LMTK2: variants seen among roughly 807,000 people sequenced by gnomAD.
The protein encoded by LMTK2 is serine/threonine-protein kinase LMTK2.
In LMTK2, 37 loss-of-function variants were observed where a neutral mutation model predicts 127.5. The observed-to-expected ratio is 0.29, with a 90% CI of 0.22 to 0.38. The LOEUF (loss-of-function observed/expected upper bound fraction) is 0.38. Ranked by LOEUF, LMTK2 falls within the 10% of genes least tolerant of loss-of-function variation. The pLI is 1.00. For synonymous variants in LMTK2, 819 were observed against 810.1 expected (o/e 1.01, Z -0.19); for missense variants, 1,694 against 1,920.3 (o/e 0.88, Z 2.20).
At chr7:98,143,393 C>CA (rs771833373) in intron 3 of LMTK2, among the ~76,000 whole-genome samples, 37 of 152,218 alleles carry the variant, frequency 2.4e-4, no homozygotes, top group Non-Finnish European at 4.1e-4. Context: ...CACAAATTGA[C>CA]AGAGTCGCAA....
chr7:98,124,176 T>A (rs1344527387), intron 1 of LMTK2, among the ~76,000 whole-genome samples: 2 of 152,150 alleles, frequency 1.3e-5, no homozygotes, highest in East Asian at 3.9e-4. Flanking sequence ...ATTGGAGGTG[T>A]GCTCCATGTC....
At chr7:98,111,201 A>T (rs565065401) in intron 1 of LMTK2, among the ~76,000 whole-genome samples, 14 of 152,330 alleles carry the variant, frequency 9.2e-5, no homozygotes, top group Non-Finnish European at 1.8e-4. Context: ...TTTTGCTGAT[A>T]ATCAGTGTGC....
intron 9 of LMTK2, among the ~76,000 whole-genome samples, chr7:98,188,405 C>CA (rs536834275): frequency 4.6e-5 from 7 of 152,096 alleles, no homozygotes; most frequent in Non-Finnish European, 7.4e-5. Context: ...TGAATTCCTT[C>CA]AGTTTTTGCT....
intron 9 of LMTK2, among the ~76,000 whole-genome samples, chr7:98,189,339 C>T (rs1423594093): frequency 1.3e-5 from 2 of 152,240 alleles, no homozygotes; most frequent in East Asian, 3.9e-4. Flanking sequence ...CTGTGGCTGT[C>T]CTGAATCTCC....
At chr7:98,161,183 T>G (rs1797010627) in intron 6 of LMTK2, among the ~76,000 whole-genome samples, 1 of 152,232 alleles carries the variant, frequency 6.6e-6, no homozygotes, top group African/African-American at 2.4e-5. Flanking sequence ...TCTCAATTTT[T>G]TTTGTTTGTT....
chr7:98,198,490 C>CT (rs1380503036), intron 11 of LMTK2, among the ~76,000 whole-genome samples: 5 of 152,046 alleles, frequency 3.3e-5, no homozygotes, highest in African/African-American at 1.2e-4. Context: ...CGCCTGGCCT[C>CT]TTTTCTCTTT....
At chr7:98,162,897 A>C (rs946703244) in intron 6 of LMTK2, among the ~76,000 whole-genome samples, 3 of 152,212 alleles carry the variant, frequency 2.0e-5, no homozygotes, top group Admixed American at 2.0e-4. Context: ...GTGTCCATCG[A>C]TGGGTGAATG....
At position 98,194,337 on chromosome 7, in the gene LMTK2, G is replaced by GCGA; in HGVS notation, c.3877_3879dup (p.Asp1293dup). 6.2e-6 allele frequency: 10 copies of GCGA among 1,614,128 alleles called. No homozygotes were observed. The highest frequency in any genetic ancestry group is 8.5e-6 in the Non-Finnish European group (10 of 1,180,000). ...GATGCAGACGAGGAGGACGAAAACA[G>GCGA]CGACGACTCGGACGAGGACCTGCGG... On this transcript the variant is annotated inframe_insertion, in exon 11 of 14. Transcript: ENST00000297293. This position sits in a 1 kb window ranked among gnomAD's most constrained non-coding sequence, Gnocchi z 5.4.
rs373221022 is a variant in LMTK2, at chr7:98,190,886, C to T, written c.1148+9C>T. On this transcript the variant is annotated intron_variant, in intron 10 of 13. Transcript: ENST00000297293. ...CCCTACTCTGATAGATGGTTGGTAG[C>T]CTCACATTCCGCCTGTTCTGTTTCG... 50 of 1,613,670 alleles carry T rather than the reference C, an allele frequency of 3.1e-5. No homozygotes were observed. In the African/African-American group the frequency reaches 6.1e-4, roughly 20 times the overall value.
Position 98,168,267 on chromosome 7 carries a change from C to G in LMTK2, c.658-3274C>G, listed in dbSNP as rs557136472. Reference sequence around the variant, plus strand: ...GGACTGAGCTTAGAAAGGCACAAGACGAAGAATCCATGGCAACCAAAGAGG... The same window carrying G: ...GGACTGAGCTTAGAAAGGCACAAGAGGAAGAATCCATGGCAACCAAAGAGG... On this transcript the variant is annotated intron_variant, in intron 6 of 13. Coordinates refer to ENST00000297293, the MANE Select transcript of LMTK2 (RefSeq NM_014916.4). Among the ~76,000 whole-genome samples, 3 of 152,100 alleles carry G rather than the reference C, an allele frequency of 2.0e-5. No individual in the cohort carries two copies. The South Asian group carries it at 6.2e-4, about 32-fold the overall frequency.
chr7:98,175,695 C>T (rs896947887), intron 7 of LMTK2, among the ~76,000 whole-genome samples: 1 of 152,208 alleles, frequency 6.6e-6, no homozygotes, highest in Non-Finnish European at 1.5e-5. Flanking sequence ...ATCTTCCTGA[C>T]CTTTGTATCT....
chr7:98,137,915 T>C (rs1796617553), intron 2 of LMTK2, among the ~76,000 whole-genome samples: 1 of 152,214 alleles, frequency 6.6e-6, no homozygotes, highest in South Asian at 2.1e-4. Context: ...TTGTGGTCAC[T>C]GAGATTACTG....
chr7:98,136,232 G>A (rs1796594323), intron 1 of LMTK2, among the ~76,000 whole-genome samples: 1 of 152,194 alleles, frequency 6.6e-6, no homozygotes, highest in Non-Finnish European at 1.5e-5. Flanking sequence ...AAATATCCGT[G>A]AGTCCATAAG....
Position 98,193,223 on chromosome 7 carries a change from G to A in LMTK2, c.2758G>A (p.Glu920Lys). 1 of 1,613,660 alleles carries A rather than the reference G, an allele frequency of 6.2e-7. No homozygotes were observed. Among genetic ancestry groups the A allele is most frequent in the South Asian group, 1.1e-5 (1 of 91,070 alleles). The part of the protein sequence containing the change: ...SRVSVGSSLP[E>K]LGQELHNKPF... The stretch of plus-strand genomic sequence containing the variant: ...GGTGAGTGTAGGGAGTAGTCTCCCG[G>A]AACTGGGACAGGAATTGCACAATAA... The change falls in exon 11 of 14, where the codon GAA becomes AAA. Residue 920 changes from glutamate to lysine, a missense_variant. Coordinates refer to ENST00000297293, the MANE Select transcript of LMTK2 (RefSeq NM_014916.4). This position sits in a 1 kb window ranked among gnomAD's most constrained non-coding sequence, Gnocchi z 4.1.
At chr7:98,199,803 T>A (rs1368538095) in intron 11 of LMTK2, among the ~76,000 whole-genome samples, 1 of 152,232 alleles carries the variant, frequency 6.6e-6, no homozygotes, top group Non-Finnish European at 1.5e-5. Context: ...CCACGTTGTT[T>A]TGGTTAATGT....
intron 1 of LMTK2, among the ~76,000 whole-genome samples, chr7:98,131,618 C>T (rs1235478210): frequency 2.0e-5 from 3 of 152,118 alleles, no homozygotes; most frequent in Admixed American, 6.6e-5. Flanking sequence ...GAGATAATGT[C>T]TGTCTTTCTG....
intron 11 of LMTK2, among the ~76,000 whole-genome samples, chr7:98,197,769 G>A (rs1335842293): frequency 6.6e-6 from 1 of 152,206 alleles, no homozygotes; most frequent in Non-Finnish European, 1.5e-5. Context: ...TTAAACCCAG[G>A]AGTTTGAGAG....
chr7:98,171,596 A>C lies in LMTK2; in HGVS notation c.713A>C (p.Gln238Pro), dbSNP rs1292494660. ...SEQEHMRGDSQTMLLQRMACE... is the reference protein window; with the variant it reads ...SEQEHMRGDSPTMLLQRMACE... ...CAGGAGCACATGCGGGGGGACTCAC[A>C]GACCATGCTGCTGCAGAGGATGGCG... Residue 238 changes from glutamine to proline, a missense_variant, in exon 7 of 14, where the codon CAG (glutamine) becomes CCG (proline). Gln to Pro is a moderately conservative substitution (Grantham distance 76, BLOSUM62 -1). Coordinates refer to ENST00000297293, the MANE Select transcript of LMTK2 (RefSeq NM_014916.4). This position sits in a 1 kb window ranked among gnomAD's most constrained non-coding sequence, Gnocchi z 5.1. The C allele has an allele frequency of 6.2e-7, 1 of 1,613,008 alleles. No individual in the cohort carries two copies. Among genetic ancestry groups the C allele is most frequent in the African/African-American group, 1.3e-5 (1 of 74,898 alleles).
intron 11 of LMTK2, among the ~76,000 whole-genome samples, chr7:98,198,197 CTTTT>C (rs145687801): frequency 1.4e-5 from 2 of 138,738 alleles, no homozygotes. Context: ...TTCTTTTCTC[CTTTT>C]TTTTTTTTTT....
Sources: allele counts gnomAD v4.1 joint callset (sites outside exome capture counted in the v4.1 genomes callset), GRCh38; gene constraint gnomAD v4.1.1; non-coding constraint Gnocchi (gnomAD v3.1); transcripts MANE v1.5; gene names NCBI Gene and HGNC (gene_info 2026-07-23, HGNC 2026-07-21).